MAP4K3: variants seen among roughly 807,000 people sequenced by gnomAD.
MAP4K3 encodes MAPK/ERK kinase kinase kinase 3.
Under a neutral mutation model 143.5 loss-of-function variants are expected in MAP4K3, and 94 were observed. The ratio of observed to expected loss-of-function variants is 0.65; its 90% CI spans 0.55 to 0.78. The LOEUF is 0.78. Among genes scored for constraint, MAP4K3 ranks in the 30% least tolerant of loss-of-function variants. MAP4K3 has a pLI of 0.00. For missense variants in MAP4K3, 1,077 were observed against 1,068.1 expected (o/e 1.01, Z -0.12); for synonymous variants, 416 against 347.2 (o/e 1.20, Z -2.20).
intron 1 of MAP4K3, among the ~76,000 whole-genome samples, chr2:39,405,078 G>C (rs754431191): frequency 2.0e-5 from 3 of 152,212 alleles, no homozygotes; most frequent in Non-Finnish European, 4.4e-5. Context: ...AGCAAACATA[G>C]GCAGTAACCA....
chr2:39,306,952 T>A (rs1682729944), intron 15 of MAP4K3, among the ~76,000 whole-genome samples: 2 of 152,246 alleles, frequency 1.3e-5, no homozygotes, highest in Non-Finnish European at 1.5e-5. Flanking sequence ...ATGTATTTTG[T>A]TGCATGGGTA....
intron 26 of MAP4K3, 91 bp from the exon 27 acceptor site, chr2:39,267,338 G>C: frequency 1.1e-6 from 1 of 933,306 alleles, no homozygotes; most frequent in South Asian, 1.3e-5. Context: ...CAAAGGATGA[G>C]TTCAAAACTG....
chr2:39,251,888 G>C lies in MAP4K3; in HGVS notation c.2542-3C>G. 2 of 1,609,812 alleles carry C rather than the reference G, an allele frequency of 1.2e-6. No homozygotes were observed. The highest frequency in any genetic ancestry group is 1.1e-5 in the South Asian group (1 of 90,722). On this transcript the variant is annotated splice_polypyrimidine_tract_variant and splice_region_variant and intron_variant, in intron 32 of 33. Transcript: ENST00000263881. ...CTATCTGAAATTTCTTGTGTTACCT[G>C]TTCAATTAAAACACAAATTTAATTT...
intron 19 of MAP4K3, among the ~76,000 whole-genome samples, chr2:39,289,931 C>T (rs6544219): frequency 0.015 from 2,356 of 152,010 alleles, 61 homozygotes; most frequent in African/African-American, 0.054. Context: ...CTAAAAAATA[C>T]AAAACTTTAG....
intron 24 of MAP4K3, among the ~76,000 whole-genome samples, chr2:39,274,441 C>T (rs1025272510): frequency 2.0e-4 from 31 of 151,966 alleles, no homozygotes; most frequent in Admixed American, 1.3e-3. Context: ...AGGATGGTCT[C>T]GATCTCCTGA....
At chr2:39,311,114 G>A (rs932025607) in intron 13 of MAP4K3, among the ~76,000 whole-genome samples, 6 of 152,250 alleles carry the variant, frequency 3.9e-5, no homozygotes, top group African/African-American at 1.2e-4. Flanking sequence ...GTCTCTTTCC[G>A]TTGCCCAGGC....
intron 18 of MAP4K3, among the ~76,000 whole-genome samples, chr2:39,290,762 G>A (rs1682009559): frequency 6.6e-6 from 1 of 152,126 alleles, no homozygotes; most frequent in South Asian, 2.1e-4. Context: ...TTATACCACT[G>A]TAGGATGACT....
At chr2:39,323,056 C>T (rs919035462) in intron 12 of MAP4K3, among the ~76,000 whole-genome samples, 1 of 152,178 alleles carries the variant, frequency 6.6e-6, no homozygotes, top group African/African-American at 2.4e-5. Flanking sequence ...AGTGACAACA[C>T]TGCACTTAGC....
In MAP4K3 at chr2:39,265,288, C is replaced by A. The variant is rs1156233443; in HGVS notation, c.2051G>T (p.Gly684Val). The A allele has an allele frequency of 4.3e-6, 7 of 1,611,432 alleles. No homozygotes were observed. The highest frequency in any genetic ancestry group is 5.9e-6 in the Non-Finnish European group (7 of 1,177,804). The change falls in exon 28 of 34, where the codon GGC becomes GTC. Residue 684 changes from glycine (G) to valine (V), a missense_variant. This residue lies in a region of MAP4K3 where 864 missense variants were observed against 801.2 expected (regional missense o/e 1.08). Transcript: ENST00000263881. ...AAGTGCTCCACATAGGTATTTATGG[C>A]CCGTGTAAGGATTTCTTACTGTCAA... ...KCCVVRNPYT[G>V]HKYLCGALQT...
chr2:39,408,660 G>A (rs976364042), intron 1 of MAP4K3, among the ~76,000 whole-genome samples: 3 of 150,014 alleles, frequency 2.0e-5, no homozygotes, highest in African/African-American at 7.3e-5. Context: ...AAAAGGTGGT[G>A]GGGGGTTGGG....
At chr2:39,368,968 G>A (rs1222820182) in intron 2 of MAP4K3, among the ~76,000 whole-genome samples, 2 of 151,966 alleles carry the variant, frequency 1.3e-5, no homozygotes, top group African/African-American at 4.8e-5. Context: ...CACGTTTTAA[G>A]TTCTATCCAC....
chr2:39,367,165 A>C lies in MAP4K3; in HGVS notation c.155-10826T>G, dbSNP rs542663302. Among the ~76,000 whole-genome samples the C allele has an allele frequency of 5.9e-5, 9 of 152,380 alleles. No individual in the cohort carries two copies. In the East Asian group the frequency reaches 1.5e-3, roughly 26 times the overall value. On this transcript the variant is annotated intron_variant, in intron 2 of 33. Transcript: ENST00000263881. ...TTAATGTTTAAGATAAGTATCACTT[A>C]CATTTACATACATTGTTACTGAATG...
chr2:39,260,823 C>T (rs190078984), intron 28 of MAP4K3, 46 bp from the exon 29 acceptor site: 8 of 1,335,692 alleles, frequency 6.0e-6, no homozygotes, highest in East Asian at 2.3e-5. Context: ...AAATAAAAAC[C>T]GAATAATTCT....
intron 4 of MAP4K3, among the ~76,000 whole-genome samples, chr2:39,343,163 T>A (rs113505907): frequency 6.6e-6 from 1 of 152,214 alleles, no homozygotes; most frequent in East Asian, 1.9e-4. Context: ...ACAATATGCC[T>A]CTGCAGAATT....
chr2:39,295,715 GTT>G (rs56299783), intron 16 of MAP4K3, among the ~76,000 whole-genome samples: 299 of 98,534 alleles, frequency 3.0e-3, no homozygotes, highest in African/African-American at 7.2e-3. Flanking sequence ...CGCATTCCAT[GTT>G]TTTTTTTTTT....
At chr2:39,357,505 C>T (rs1165472153) in intron 2 of MAP4K3, among the ~76,000 whole-genome samples, 1 of 152,196 alleles carries the variant, frequency 6.6e-6, no homozygotes, top group South Asian at 2.1e-4. Context: ...AACCATGAAC[C>T]ATGTGAACCC....
At chr2:39,345,918 T>A (rs1665276655) in intron 3 of MAP4K3, among the ~76,000 whole-genome samples, 1 of 79,832 alleles carries the variant, frequency 1.3e-5, no homozygotes, top group Non-Finnish European at 2.1e-5. Context: ...CTAGACTCTG[T>A]CTCAAAAAAA....
chr2:39,304,343 G>T (rs1682617275), intron 15 of MAP4K3, among the ~76,000 whole-genome samples: 1 of 152,130 alleles, frequency 6.6e-6, no homozygotes, highest in African/African-American at 2.4e-5. Flanking sequence ...AGGGATTTAG[G>T]GTTTTTACCT....
At chr2:39,342,423 C>A (rs1665170375) in intron 4 of MAP4K3, among the ~76,000 whole-genome samples, 1 of 152,138 alleles carries the variant, frequency 6.6e-6, no homozygotes, top group South Asian at 2.1e-4. Context: ...AGCCACTGCA[C>A]CCGGCCCTTC....
Sources: allele counts gnomAD v4.1 joint callset (sites outside exome capture counted in the v4.1 genomes callset), GRCh38; gene constraint gnomAD v4.1.1; regional missense constraint gnomAD v4.1.1; transcripts MANE v1.5; gene names NCBI Gene and HGNC (gene_info 2026-07-23, HGNC 2026-07-21).